PDE3B: variants seen among roughly 807,000 people sequenced by gnomAD.
PDE3B encodes phosphodiesterase 3B, also known as cGMP-inhibited 3',5'-cyclic phosphodiesterase 3B.
In PDE3B, 66 loss-of-function variants were observed where a neutral mutation model predicts 116.8. That is an observed-to-expected ratio of 0.56 (90% CI 0.46 to 0.69). The LOEUF (loss-of-function observed/expected upper bound fraction) is 0.69. Among genes scored for constraint, PDE3B ranks in the 30% least tolerant of loss-of-function variants. The pLI, the probability that PDE3B is intolerant of heterozygous loss-of-function variation, is 0.00. For synonymous variants in PDE3B, 595 were observed against 533.6 expected (o/e 1.12, Z -1.59); for missense variants, 1,384 against 1,368.1 (o/e 1.01, Z -0.18).
intron 1 of PDE3B, chr11:14,673,541 G>A (rs1854437574): frequency 2.3e-6 from 1 of 441,020 alleles, no homozygotes; most frequent in Non-Finnish European, 4.5e-6. Flanking sequence ...GAACAAAAAT[G>A]TGTTTACAGA....
At chr11:14,653,489 C>T (rs183236221) in intron 1 of PDE3B, among the ~76,000 whole-genome samples, 16 of 151,712 alleles carry the variant, frequency 1.1e-4, no homozygotes, top group Admixed American at 3.9e-4. Context: ...GGCTTGAACC[C>T]GGGAGGCAAA....
chr11:14,864,063 C>A (rs1306441162), intron 14 of PDE3B, among the ~76,000 whole-genome samples: 1 of 152,158 alleles, frequency 6.6e-6, no homozygotes, highest in African/African-American at 2.4e-5. Context: ...GGAGACCCAT[C>A]TCACGTGCAG....
At chr11:14,744,653 G>A (rs1431270992) in intron 1 of PDE3B, among the ~76,000 whole-genome samples, 1 of 152,154 alleles carries the variant, frequency 6.6e-6, no homozygotes, top group Non-Finnish European at 1.5e-5. Context: ...AATAAATTGA[G>A]TAGTAGATTT....
At chr11:14,847,361 A>T (rs1159064599) in intron 12 of PDE3B, among the ~76,000 whole-genome samples, 3 of 151,752 alleles carry the variant, frequency 2.0e-5, no homozygotes, top group East Asian at 1.9e-4. Context: ...GGAAATTTAT[A>T]GCACTAAATG....
chr11:14,876,361 TAAAG>T (rs1848189251), downstream of PDE3B, among the ~76,000 whole-genome samples: 1 of 151,960 alleles, frequency 6.6e-6, no homozygotes, highest in South Asian at 2.1e-4. Flanking sequence ...ATAAAATAAT[TAAAG>T]AAAGATTCAA....
rs955114698 is a variant in PDE3B at position 14,835,347 on chromosome 11, A to G, written c.2320+252A>G. ...ATTAATATTCAGTACTGCTGGATCT[A>G]TCATGTTTCCTTCTTTCCCCCATTC... On this transcript the variant is annotated intron_variant, in intron 11 of 15. Transcript: ENST00000282096. Among the ~76,000 whole-genome samples the G allele has an allele frequency of 2.6e-5, 4 of 152,282 alleles. No homozygotes were observed. In the South Asian group the frequency reaches 8.3e-4, roughly 32 times the overall value.
At chr11:14,838,648 A>G (rs1391191955) in intron 11 of PDE3B, among the ~76,000 whole-genome samples, 1 of 152,220 alleles carries the variant, frequency 6.6e-6, no homozygotes, top group Non-Finnish European at 1.5e-5. Flanking sequence ...TTTGAGATCC[A>G]TAATTAAACT....
the PDE3B span, among the ~76,000 whole-genome samples, chr11:14,893,866 C>A: frequency 2.6e-5 from 4 of 152,032 alleles, no homozygotes; most frequent in Non-Finnish European, 4.4e-5. Flanking sequence ...AGTATGTGGA[C>A]CTATTGGGGG....
chr11:14,662,734 G>T (rs1196633696), intron 1 of PDE3B, among the ~76,000 whole-genome samples: 1 of 152,202 alleles, frequency 6.6e-6, no homozygotes, highest in Non-Finnish European at 1.5e-5. Flanking sequence ...TGAATGAACT[G>T]AAGCGAGAAG....
chr11:14,683,139 CA>C (rs1199588589), intron 1 of PDE3B, among the ~76,000 whole-genome samples: 1 of 152,006 alleles, frequency 6.6e-6, no homozygotes, highest in African/African-American at 2.4e-5. Flanking sequence ...AGGGTTTCTC[CA>C]TGTTGATCAG....
intron 1 of PDE3B, among the ~76,000 whole-genome samples, chr11:14,731,853 G>A (rs1367618564): frequency 6.6e-6 from 1 of 152,134 alleles, no homozygotes. Context: ...GACGATTTCT[G>A]CTGTCATGGA....
At chr11:14,666,302 A>C (rs1263908414) in intron 1 of PDE3B, among the ~76,000 whole-genome samples, 6 of 150,418 alleles carry the variant, frequency 4.0e-5, no homozygotes, top group Admixed American at 2.0e-4. Flanking sequence ...TTAAAGACTT[A>C]AACGTTAGAC....
chr11:14,877,145 G>T, the PDE3B span, among the ~76,000 whole-genome samples: 1 of 151,922 alleles, frequency 6.6e-6, no homozygotes, highest in South Asian at 2.1e-4. Context: ...GCTATAAATG[G>T]GTCAATATAC....
At chr11:14,759,865 G>T (rs1857306364) in intron 1 of PDE3B, among the ~76,000 whole-genome samples, 1 of 151,994 alleles carries the variant, frequency 6.6e-6, no homozygotes, top group Non-Finnish European at 1.5e-5. Context: ...TGTTTTAAGT[G>T]GTTTAGAGCT....
chr11:14,783,764 T>TA (rs533942180), intron 2 of PDE3B, among the ~76,000 whole-genome samples: 469 of 148,264 alleles, frequency 3.2e-3, no homozygotes, highest in African/African-American at 0.011. Flanking sequence ...AATATAATAA[T>TA]AAAAAAAAAG....
intron 1 of PDE3B, among the ~76,000 whole-genome samples, chr11:14,719,159 C>T (rs1480728506): frequency 3.5e-5 from 1 of 28,284 alleles, no homozygotes; most frequent in African/African-American, 1.4e-4. Flanking sequence ...CGCAAATAAA[C>T]TAGAAAATCT....
intron 1 of PDE3B, among the ~76,000 whole-genome samples, chr11:14,673,209 A>G (rs1854425420): frequency 6.6e-6 from 1 of 152,044 alleles, no homozygotes; most frequent in African/African-American, 2.4e-5. Flanking sequence ...TCAGTTATAT[A>G]CACTGAATTG....
intron 1 of PDE3B, among the ~76,000 whole-genome samples, chr11:14,726,976 C>G (rs1347048143): frequency 6.6e-6 from 1 of 152,110 alleles, no homozygotes; most frequent in Non-Finnish European, 1.5e-5. Flanking sequence ...ATTCATTCAT[C>G]TTGATTATCT....
the PDE3B span, chr11:14,879,575 TTTA>T: frequency 1.5e-6 from 1 of 657,690 alleles, no homozygotes; most frequent in Admixed American, 2.7e-5. Context: ...ATTCAGATTT[TTTA>T]TTATCTGGGC....
Sources: gnomAD v4.1 joint callset for allele counts (sites outside exome capture counted in the v4.1 genomes callset) on GRCh38, gnomAD v4.1.1 for gene constraint, MANE v1.5 for transcripts, NCBI Gene and HGNC (gene_info 2026-07-23, HGNC 2026-07-21) for gene names.